PKP2: variants seen among roughly 807,000 people sequenced by gnomAD.
PKP2 encodes the protein plakophilin-2.
A neutral mutation model predicts 83.4 loss-of-function variants in PKP2; 73 were observed. The observed-to-expected ratio is 0.88, with a 90% CI of 0.72 to 1.06. The LOEUF (loss-of-function observed/expected upper bound fraction) is 1.06, where lower values mean the gene tolerates loss of function less well. Ranked by LOEUF, PKP2 falls within the 50% of genes least tolerant of loss-of-function variation. The pLI, the probability that PKP2 is intolerant of heterozygous loss-of-function variation, is 0.00. For synonymous variants in PKP2, 409 were observed against 430.4 expected (o/e 0.95, Z 0.62); for missense variants, 966 against 1,065.4 (o/e 0.91, Z 1.30).
At chr12:32,842,850 T>C (rs950624788) in intron 5 of PKP2, among the ~76,000 whole-genome samples, 75 of 151,972 alleles carry the variant, frequency 4.9e-4, no homozygotes, top group African/African-American at 1.7e-3. Flanking sequence ...AATTTTTGTA[T>C]TCTCAGTAGA....
intron 11 of PKP2, 136 bp from the exon 12 acceptor site, chr12:32,792,867 T>C: frequency 1.4e-6 from 1 of 732,960 alleles, no homozygotes; most frequent in Non-Finnish European, 2.5e-6. Flanking sequence ...GGCCACTCGG[T>C]GACCAGACAA....
intron 9 of PKP2, among the ~76,000 whole-genome samples, chr12:32,803,368 T>TAAACAAAC (rs145781871): frequency 6.6e-6 from 1 of 152,078 alleles, no homozygotes. Flanking sequence ...TGACAGTGTC[T>TAAACAAAC]AAACAAACAA....
At chr12:32,806,686 T>TGTGTGTGTGTGTGTGTGTG (rs1956228649) in intron 9 of PKP2, among the ~76,000 whole-genome samples, 2 of 149,718 alleles carry the variant, frequency 1.3e-5, no homozygotes, top group South Asian at 4.3e-4. Context: ...TTTGAAGGGT[T>TGTGTGTGTGTGTGTGTGTG]TGTGTGTGTG....
At chr12:32,831,384 T>C (rs982806716) in intron 6 of PKP2, among the ~76,000 whole-genome samples, 11 of 152,254 alleles carry the variant, frequency 7.2e-5, no homozygotes, top group African/African-American at 2.7e-4. Context: ...TTAAATTTTT[T>C]GGAATAAGAC....
chr12:32,850,628 T>A lies in PKP2; in HGVS notation c.1378+138A>T, dbSNP rs1311770070. The A allele has an allele frequency of 1.4e-5, 10 of 731,368 alleles. No homozygotes were observed. In the South Asian group the frequency reaches 1.5e-4, roughly 11 times the overall value. The allele number at this position is 731,368 out of a possible 1,614,324, so 45.3% of individuals were successfully genotyped here. A position where few individuals can be genotyped will look rare whatever the true frequency, so the allele number is the denominator to read the frequency against. The stretch of plus-strand genomic sequence containing the variant: ...TGGAGTCTAAGCCAGCAGGTAACAA[T>A]GTTCCTTTAAAGCCTTCTCTAGCAT... On this transcript the variant is annotated intron_variant, in intron 5 of 12. Transcript: ENST00000340811.
chr12:32,852,401 T>C (rs537186214), intron 4 of PKP2, among the ~76,000 whole-genome samples: 1 of 152,262 alleles, frequency 6.6e-6, no homozygotes, highest in Admixed American at 6.5e-5. Flanking sequence ...CAATATTACA[T>C]ATTCCTTTGA....
At chr12:32,888,583 G>A (rs867073238) in intron 1 of PKP2, among the ~76,000 whole-genome samples, 6 of 151,280 alleles carry the variant, frequency 4.0e-5, no homozygotes, top group African/African-American at 9.7e-5. Flanking sequence ...TCCACTTCCC[G>A]GGTTCAAGTG....
Position 32,850,990 on chromosome 12 carries a change from T to G in PKP2, c.1171-17A>C. The G allele has an allele frequency of 6.2e-7, 1 of 1,601,298 alleles. No homozygotes were observed. The highest frequency in any genetic ancestry group is 8.6e-7 in the Non-Finnish European group (1 of 1,169,476). Reference sequence around the variant, plus strand: ...CTGGTTAACCTGGGGAAGAAGCAGATGCATATTTCTAATATTAATTTTGAT... The same window carrying G: ...CTGGTTAACCTGGGGAAGAAGCAGAGGCATATTTCTAATATTAATTTTGAT... On this transcript the variant is annotated splice_polypyrimidine_tract_variant and intron_variant, in intron 4 of 12. Coordinates refer to ENST00000340811, the MANE Select transcript of PKP2 (RefSeq NM_001005242.3).
intron 6 of PKP2, among the ~76,000 whole-genome samples, chr12:32,824,751 A>G (rs1956419707): frequency 6.6e-6 from 1 of 152,236 alleles, no homozygotes; most frequent in Non-Finnish European, 1.5e-5. Context: ...TGCAGTGTGT[A>G]AGGCTTCAGT....
At chr12:32,891,704 G>A (rs185619937) in intron 1 of PKP2, among the ~76,000 whole-genome samples, 69 of 152,142 alleles carry the variant, frequency 4.5e-4, no homozygotes, top group Non-Finnish European at 7.9e-4. Context: ...AATTTCCTGC[G>A]TCTTATCTGT....
chr12:32,869,050 C>T lies in PKP2; in HGVS notation c.1047G>A (p.Met349Ile), dbSNP rs1181939964. Residue 349 changes from methionine to isoleucine, a missense_variant, in exon 4 of 13, where the codon ATG (methionine) becomes ATA (isoleucine). Physicochemically the swap from Met to Ile is conservative, Grantham distance 10. Transcript: ENST00000340811. ...FTDSQLGNADMEMTLERAVSM... is the reference protein window; with the variant it reads ...FTDSQLGNADIEMTLERAVSM... ...TCACTGCTCGCTCCAGAGTCATCTC[C>T]ATGTCTGCATTCCTAGACAAACAGG... The T allele has an allele frequency of 1.2e-6, 2 of 1,613,860 alleles. No homozygotes were observed. The highest frequency in any genetic ancestry group is 4.5e-5 in the East Asian group (2 of 44,886).
chr12:32,821,060 G>A (rs1956370726), intron 9 of PKP2: 1 of 385,346 alleles, frequency 2.6e-6, no homozygotes, highest in South Asian at 2.3e-5. Context: ...CAGAAAGAAG[G>A]CCCACCCTGG....
At position 32,791,065 on chromosome 12, in the gene PKP2, T is replaced by C. The variant is rs1956060812; in HGVS notation, c.*1359A>G. The C allele has an allele frequency of 6.6e-6, 1 of 152,030 alleles. No homozygotes were observed. The highest frequency in any genetic ancestry group is 1.5e-5 in the Non-Finnish European group (1 of 68,020). The allele number at this position is 152,030 out of a possible 1,614,324, so 9.4% of individuals were successfully genotyped here. A position where few individuals can be genotyped will look rare whatever the true frequency, so the allele number is the denominator to read the frequency against. ...GTTACAGTTTTCTTGCCAAAAGGAG[T>C]TGAAGAATTTTTTTGCTTATCTTAC... On this transcript the variant is annotated 3_prime_UTR_variant, in exon 13 of 13. Coordinates refer to ENST00000340811, the MANE Select transcript of PKP2 (RefSeq NM_001005242.3).
intron 1 of PKP2, among the ~76,000 whole-genome samples, chr12:32,884,131 C>T (rs1957009300): frequency 6.6e-6 from 1 of 152,184 alleles, no homozygotes; most frequent in Non-Finnish European, 1.5e-5. Context: ...ACCTTTGTCT[C>T]ATCAGACTTC....
At position 32,821,284 on chromosome 12, in the gene PKP2, T is replaced by C. The variant is rs7967264; in HGVS notation, c.2013+72A>G. The C allele has an allele frequency of 0.071, 93,435 of 1,313,816 alleles. 3,861 individuals carry two copies. The highest frequency in any genetic ancestry group is 0.085 in the Non-Finnish European group (77,522 of 909,426). 81.4% of individuals were successfully genotyped at this position (1,313,816 alleles called of 1,614,324 possible). A position where few individuals can be genotyped will look rare whatever the true frequency, so the allele number is the denominator to read the frequency against. On this transcript the variant is annotated intron_variant, in intron 9 of 12. Transcript: ENST00000340811. ...CTTTTTCTCTTCCCTCACTGTTTCATCTCTGAATTGAATGTAGGTATGTCT... is the reference window on the plus strand; with the variant it reads ...CTTTTTCTCTTCCCTCACTGTTTCACCTCTGAATTGAATGTAGGTATGTCT...
intron 4 of PKP2, among the ~76,000 whole-genome samples, chr12:32,868,580 T>C (rs912591795): frequency 2.0e-5 from 3 of 152,184 alleles, no homozygotes; most frequent in South Asian, 2.1e-4. Flanking sequence ...TGGAGTGCAG[T>C]GGCGCGAACT....
Position 32,877,852 on chromosome 12 carries a change from T to C in PKP2, c.1028A>G (p.Gln343Arg), listed in dbSNP as rs762744983. 1.1e-5 allele frequency: 18 copies of C among 1,611,868 alleles called. 1 individual carries two copies. The South Asian group carries it at 1.9e-4, about 17-fold the overall frequency. The change falls in exon 3 of 13, where the codon CAG becomes CGG. Residue 343 changes from glutamine (Q) to arginine (R), a missense_variant. Coordinates refer to ENST00000340811, the MANE Select transcript of PKP2 (RefSeq NM_001005242.3). Reference sequence around the variant, plus strand: ...GAGTCAGGAGGGGACTTACCCCAGCTGGGAGTCAGTGAAAGTGCTTCTCTC... The same window carrying C: ...GAGTCAGGAGGGGACTTACCCCAGCCGGGAGTCAGTGAAAGTGCTTCTCTC... The part of the protein sequence containing the change: ...LTERSTFTDS[Q>R]LGNADMEMTL...
At chr12:32,827,791 CAATAG>C (rs141773065) in intron 6 of PKP2, among the ~76,000 whole-genome samples, 2,480 of 152,172 alleles carry the variant, frequency 0.016, 68 homozygotes, top group African/African-American at 0.058. Flanking sequence ...TTAAAGTTAC[CAATAG>C]AATATATTAA....
At chr12:32,830,176 G>A (rs986940290) in intron 6 of PKP2, among the ~76,000 whole-genome samples, 3 of 152,186 alleles carry the variant, frequency 2.0e-5, no homozygotes, top group Admixed American at 2.0e-4. Flanking sequence ...TGAGACATCG[G>A]CTGACATGGA....
Sources: gnomAD v4.1 joint callset for allele counts (sites outside exome capture counted in the v4.1 genomes callset) on GRCh38, gnomAD v4.1.1 for gene constraint, MANE v1.5 for transcripts, NCBI Gene and HGNC (gene_info 2026-07-23, HGNC 2026-07-21) for gene names.